UBE2L3: variants seen among roughly 807,000 people sequenced by gnomAD.
UBE2L3 encodes the protein ubiquitin-conjugating enzyme E2 L3.
In UBE2L3, 1 loss-of-function variant was observed where a neutral mutation model predicts 17.8. The ratio of observed to expected loss-of-function variants is 0.06; its 90% CI spans 0.02 to 0.27. UBE2L3 has a LOEUF of 0.27. Ranked by LOEUF, UBE2L3 falls within the 10% of genes least tolerant of loss-of-function variation. The pLI is 1.00. For missense variants in UBE2L3, 40 were observed against 192.6 expected, an observed-to-expected ratio of 0.21 and a Z score of 4.69; for synonymous variants, 44 against 68.5, an observed-to-expected ratio of 0.64 and a Z score of 1.76.
At chr22:21,574,957 T>A (rs967810696) in intron 1 of UBE2L3, among the ~76,000 whole-genome samples, 1 of 130,370 alleles carries the variant, frequency 7.7e-6, no homozygotes, top group Non-Finnish European at 1.5e-5. Context: ...AGAGTGAGAC[T>A]CTGTCTCAAA....
chr22:21,607,941 G>T (rs1302790999), intron 2 of UBE2L3, among the ~76,000 whole-genome samples: 1 of 152,188 alleles, frequency 6.6e-6, no homozygotes, highest in Non-Finnish European at 1.5e-5. Flanking sequence ...TACTCACAGT[G>T]TATTCTGGTT....
chr22:21,580,508 G>A (rs978381722), intron 1 of UBE2L3, among the ~76,000 whole-genome samples: 1 of 152,152 alleles, frequency 6.6e-6, no homozygotes, highest in Admixed American at 6.5e-5. Flanking sequence ...GGAGTGCAGT[G>A]GCGCGATCTC....
intron 1 of UBE2L3, among the ~76,000 whole-genome samples, chr22:21,584,998 A>C (rs914024609): frequency 2.0e-5 from 3 of 152,234 alleles, no homozygotes; most frequent in Admixed American, 1.3e-4. Flanking sequence ...AATTACTGGC[A>C]TAAGCCACTT....
At chr22:21,591,784 G>C (rs1836833514) in intron 1 of UBE2L3, among the ~76,000 whole-genome samples, 2 of 152,200 alleles carry the variant, frequency 1.3e-5, no homozygotes, top group South Asian at 4.1e-4. Context: ...GAAGGAGGCA[G>C]GGCTCAGCTG....
intron 3 of UBE2L3, among the ~76,000 whole-genome samples, chr22:21,617,289 CAG>C (rs1180430232): frequency 1.3e-5 from 2 of 151,774 alleles, no homozygotes; most frequent in East Asian, 3.9e-4. Flanking sequence ...GTTGGGGGGA[CAG>C]AGTCTCACTT....
intron 1 of UBE2L3, among the ~76,000 whole-genome samples, chr22:21,569,506 C>A (rs1926842747): frequency 6.6e-6 from 1 of 152,082 alleles, no homozygotes; most frequent in African/African-American, 2.4e-5. Context: ...CAAGTGCTCT[C>A]CTCCCCAGAC....
chr22:21,597,072 G>A (rs1386109550), intron 2 of UBE2L3, among the ~76,000 whole-genome samples: 2 of 151,856 alleles, frequency 1.3e-5, no homozygotes, highest in Non-Finnish European at 2.9e-5. Flanking sequence ...TCTGCCTCCC[G>A]GGTTCAAGTG....
chr22:21,590,254 G>T (rs1928185304), intron 1 of UBE2L3, among the ~76,000 whole-genome samples: 1 of 152,066 alleles, frequency 6.6e-6, no homozygotes, highest in African/African-American at 2.4e-5. Flanking sequence ...CTGGAGTGCA[G>T]TGGTGCGATC....
chr22:21,587,612 C>T (rs1269937902), intron 1 of UBE2L3, among the ~76,000 whole-genome samples: 1 of 152,220 alleles, frequency 6.6e-6, no homozygotes, highest in Admixed American at 6.5e-5. Flanking sequence ...ACTTTGTTAA[C>T]TGCTTTGCCA....
At chr22:21,595,689 A>G (rs896390487) in intron 2 of UBE2L3, among the ~76,000 whole-genome samples, 5 of 152,126 alleles carry the variant, frequency 3.3e-5, no homozygotes, top group Non-Finnish European at 5.9e-5. Context: ...CTAAGATGCT[A>G]AGGTAACGTC....
At chr22:21,556,791 G>A (rs1388090054) in intron 1 of UBE2L3, among the ~76,000 whole-genome samples, 1 of 152,264 alleles carries the variant, frequency 6.6e-6, no homozygotes, top group African/African-American at 2.4e-5. Flanking sequence ...TGGGCGCAGT[G>A]GCCCATGCCT....
chr22:21,611,160 T>C (rs1024967724), intron 3 of UBE2L3, 117 bp downstream of exon 3: 3 of 1,222,686 alleles, frequency 2.5e-6, no homozygotes, highest in Non-Finnish European at 1.1e-6. Flanking sequence ...ACACGAAAAA[T>C]GTAGCTGAGG....
At chr22:21,614,702 G>A in intron 3 of UBE2L3, 2 of 1,281,296 alleles carry the variant, frequency 1.6e-6, no homozygotes, top group Admixed American at 4.0e-5. Context: ...ATGAAAAGAT[G>A]CTCATATGAC....
At chr22:21,591,541 A>G (rs964220371) in intron 1 of UBE2L3, among the ~76,000 whole-genome samples, 1 of 152,212 alleles carries the variant, frequency 6.6e-6, no homozygotes, top group Non-Finnish European at 1.5e-5. Flanking sequence ...CTTCCTACTC[A>G]GAACCAGTAA....
At chr22:21,592,770 G>C in intron 1 of UBE2L3, 91 bp from the exon 2 acceptor site, 1 of 1,019,716 alleles carries the variant, frequency 9.8e-7, no homozygotes, top group Non-Finnish European at 1.5e-6. Flanking sequence ...AGCATTTTTG[G>C]CACTTGGTTT....
intron 2 of UBE2L3, among the ~76,000 whole-genome samples, chr22:21,595,975 C>T (rs1340446009): frequency 6.6e-6 from 1 of 151,892 alleles, no homozygotes; most frequent in African/African-American, 2.4e-5. Flanking sequence ...AAGCGATTCT[C>T]CTGCCTCAGC....
chr22:21,556,798 G>A (rs1366309138), intron 1 of UBE2L3, among the ~76,000 whole-genome samples: 1 of 152,252 alleles, frequency 6.6e-6, no homozygotes. Flanking sequence ...AGTGGCCCAT[G>A]CCTATAATCC....
chr22:21,572,422 CAAAAAAAAA>C (rs140497), intron 1 of UBE2L3, among the ~76,000 whole-genome samples: 23 of 104,804 alleles, frequency 2.2e-4, no homozygotes, highest in Non-Finnish European at 3.5e-4. Flanking sequence ...GACTCCGTCT[CAAAAAAAAA>C]AAAAAAAAAA....
chr22:21,611,606 G>A (rs964770689), intron 3 of UBE2L3, among the ~76,000 whole-genome samples: 2 of 152,198 alleles, frequency 1.3e-5, no homozygotes, highest in Non-Finnish European at 2.9e-5. Flanking sequence ...CCCTGGAGTT[G>A]GATGTGGCTG....
Sources: allele counts gnomAD v4.1 joint callset (sites outside exome capture counted in the v4.1 genomes callset), GRCh38; gene constraint gnomAD v4.1.1; transcripts MANE v1.5; gene names NCBI Gene and HGNC (gene_info 2026-07-23, HGNC 2026-07-21).